Variants in OR2L3 observed in about 807,000 individuals in gnomAD.
OR2L3 encodes the protein olfactory receptor 2L3.
For missense variants in OR2L3, 369 were observed against 376.6 expected (o/e 0.98, Z 0.17); for synonymous variants, 131 against 139.1 (o/e 0.94, Z 0.41).
chr1:248,048,833 T>C (rs1199128931), intron 1 of OR2L3, among the ~76,000 whole-genome samples: 1 of 152,018 alleles, frequency 6.6e-6, no homozygotes, highest in Non-Finnish European at 1.5e-5. Context: ...TGGGAGACTT[T>C]TAAAACTTCA....
chr1:248,048,174 T>C (rs897918486), intron 1 of OR2L3, among the ~76,000 whole-genome samples: 8 of 152,160 alleles, frequency 5.3e-5, no homozygotes, highest in South Asian at 2.1e-4. Flanking sequence ...CTGTGAGAGC[T>C]GATGCACCAT....
chr1:248,049,827 A>G (rs1485735474), intron 1 of OR2L3, among the ~76,000 whole-genome samples: 1 of 152,158 alleles, frequency 6.6e-6, no homozygotes, highest in Non-Finnish European at 1.5e-5. Flanking sequence ...GGGATGAACT[A>G]CACCACACAT....
intron 1 of OR2L3, among the ~76,000 whole-genome samples, chr1:248,054,989 A>G (rs1159212206): frequency 2.0e-5 from 3 of 152,150 alleles, no homozygotes; most frequent in Non-Finnish European, 4.4e-5. Flanking sequence ...AATAAGAGTC[A>G]TGAGAGATTG....
At chr1:248,060,621 C>A in intron 1 of OR2L3, 40 bp from the exon 2 acceptor site, 2 of 1,382,356 alleles carry the variant, frequency 1.4e-6, no homozygotes, top group Non-Finnish European at 2.0e-6. Context: ...CAGATAAAGA[C>A]GAATTTCTGT....
chr1:248,054,838 T>G (rs1218012329), intron 1 of OR2L3, among the ~76,000 whole-genome samples: 2 of 152,228 alleles, frequency 1.3e-5, no homozygotes, highest in African/African-American at 4.8e-5. Context: ...AAGAAGCCTT[T>G]GGGCTGAGTC....
intron 1 of OR2L3, among the ~76,000 whole-genome samples, chr1:248,047,426 A>G (rs1663112332): frequency 6.6e-6 from 1 of 152,212 alleles, no homozygotes; most frequent in Non-Finnish European, 1.5e-5. Flanking sequence ...ATTAAAGTAA[A>G]GGTACAACGA....
intron 1 of OR2L3, among the ~76,000 whole-genome samples, chr1:248,050,521 C>A (rs1221787858): frequency 3.3e-5 from 5 of 151,918 alleles, no homozygotes; most frequent in Non-Finnish European, 5.9e-5. Context: ...AACACTGGAA[C>A]ATGGATAATA....
rs1663700310 is a variant in OR2L3, at chr1:248,063,266, G to C, written c.*1646G>C. 1 of 152,124 alleles carries C rather than the reference G, an allele frequency of 6.6e-6. No individual in the cohort carries two copies. The highest frequency in any genetic ancestry group is 2.4e-5 in the African/African-American group (1 of 41,410). The allele number at this position is 152,124 out of a possible 1,614,324, so 9.4% of individuals were successfully genotyped here. On this transcript the variant is annotated 3_prime_UTR_variant, in exon 2 of 2. Transcript: ENST00000359959. ...TATTCCTCTTCATTTTCTTTCACCA[G>C]TGATTTGTACAAATACATTCTAGTG...
chr1:248,052,005 A>C (rs1663278510), intron 1 of OR2L3, among the ~76,000 whole-genome samples: 1 of 152,138 alleles, frequency 6.6e-6, no homozygotes, highest in Non-Finnish European at 1.5e-5. Context: ...TGATGACTTT[A>C]TGCAGATATT....
chr1:248,056,450 G>A (rs1663436337), intron 1 of OR2L3, among the ~76,000 whole-genome samples: 1 of 152,040 alleles, frequency 6.6e-6, no homozygotes, highest in Non-Finnish European at 1.5e-5. Flanking sequence ...ATGTTAGGGT[G>A]TCGATGTGAG....
At chr1:248,055,426 G>A (rs1181240732) in intron 1 of OR2L3, among the ~76,000 whole-genome samples, 3 of 151,984 alleles carry the variant, frequency 2.0e-5, no homozygotes, top group Non-Finnish European at 4.4e-5. Context: ...TGTCTCTGCT[G>A]GGTTTTGGAA....
At chr1:248,054,649 T>A (rs1663375063) in intron 1 of OR2L3, among the ~76,000 whole-genome samples, 2 of 152,178 alleles carry the variant, frequency 1.3e-5, no homozygotes. Flanking sequence ...TTTGAATAGG[T>A]CCTTCACTTC....
At chr1:248,053,347 T>G (rs1385030109) in intron 1 of OR2L3, among the ~76,000 whole-genome samples, 1 of 152,244 alleles carries the variant, frequency 6.6e-6, no homozygotes, top group African/African-American at 2.4e-5. Flanking sequence ...CTTTATTCAG[T>G]CTATCATTAA....
rs373109086 is a variant in OR2L3, at chr1:248,048,144, C to T, written c.-22+1264C>T. ...TCTAGCCATGGAAATGTCTGTCTGC[C>T]CACTTACCTGTGTATCTATCTGTGA... On this transcript the variant is annotated intron_variant, in intron 1 of 1. Coordinates refer to ENST00000359959, the MANE Select transcript of OR2L3 (RefSeq NM_001004687.2). Among the ~76,000 whole-genome samples the T allele has an allele frequency of 2.0e-5, 3 of 152,124 alleles. No individual in the cohort carries two copies. In the East Asian group the frequency reaches 5.8e-4, roughly 29 times the overall value.
chr1:248,057,887 C>G (rs1466022949), intron 1 of OR2L3, among the ~76,000 whole-genome samples: 5 of 152,202 alleles, frequency 3.3e-5, no homozygotes, highest in African/African-American at 1.2e-4. Context: ...CCTAAGTTTT[C>G]TACATATATA....
At chr1:248,058,154 G>C (rs575779475) in intron 1 of OR2L3, among the ~76,000 whole-genome samples, 2 of 152,252 alleles carry the variant, frequency 1.3e-5, no homozygotes, top group East Asian at 3.9e-4. Flanking sequence ...TGAAAGAAAT[G>C]CATAGACATG....
chr1:248,055,323 T>A (rs1171672680), intron 1 of OR2L3, among the ~76,000 whole-genome samples: 1 of 152,210 alleles, frequency 6.6e-6, no homozygotes, highest in Non-Finnish European at 1.5e-5. Context: ...TTTGATGTGC[T>A]GCTGGATTCA....
At chr1:248,054,535 A>G (rs1278682734) in intron 1 of OR2L3, among the ~76,000 whole-genome samples, 1 of 151,764 alleles carries the variant, frequency 6.6e-6, no homozygotes, top group Non-Finnish European at 1.5e-5. Context: ...TTTGGGCGGT[A>G]TGGCCATTTT....
At chr1:248,058,188 A>G (rs1303565684) in intron 1 of OR2L3, among the ~76,000 whole-genome samples, 1 of 152,226 alleles carries the variant, frequency 6.6e-6, no homozygotes, top group Non-Finnish European at 1.5e-5. Flanking sequence ...ACAGGGTAAA[A>G]TGTTAGAAAC....
Sources: gnomAD v4.1 joint callset for allele counts (sites outside exome capture counted in the v4.1 genomes callset) on GRCh38, gnomAD v4.1.1 for gene constraint, MANE v1.5 for transcripts, NCBI Gene and HGNC (gene_info 2026-07-23, HGNC 2026-07-21) for gene names.